KCTD16: variants seen among roughly 807,000 people sequenced by gnomAD.
KCTD16 encodes the protein BTB/POZ domain-containing protein KCTD16.
In KCTD16, 13 loss-of-function variants were observed where a neutral mutation model predicts 33.2. The ratio of observed to expected loss-of-function variants is 0.39; its 90% CI spans 0.25 to 0.62. The LOEUF is 0.62. Among genes scored for constraint, KCTD16 ranks in the 20% least tolerant of loss-of-function variants. KCTD16 has a pLI of 0.50. For synonymous variants in KCTD16, 197 were observed against 195.3 expected (o/e 1.01, Z -0.07); for missense variants, 441 against 525.1 (o/e 0.84, Z 1.57).
chr5:144,425,036 A>G (rs1435554212), intron 3 of KCTD16, among the ~76,000 whole-genome samples: 1 of 152,156 alleles, frequency 6.6e-6, no homozygotes, highest in Non-Finnish European at 1.5e-5. Context: ...CCAGAGTCTC[A>G]TCTGAAACAG....
intron 3 of KCTD16, among the ~76,000 whole-genome samples, chr5:144,391,921 C>A (rs1310865480): frequency 6.6e-6 from 1 of 152,092 alleles, no homozygotes; most frequent in Non-Finnish European, 1.5e-5. Flanking sequence ...AGTGCCTACC[C>A]AATGACAAGT....
intron 3 of KCTD16, among the ~76,000 whole-genome samples, chr5:144,238,857 C>A (rs1426006772): frequency 6.6e-6 from 1 of 152,130 alleles, no homozygotes; most frequent in Non-Finnish European, 1.5e-5. Flanking sequence ...TATTGCTAGG[C>A]ACTAGGGATA....
chr5:144,340,651 G>A (rs757801100), intron 3 of KCTD16, among the ~76,000 whole-genome samples: 1 of 151,898 alleles, frequency 6.6e-6, no homozygotes, highest in Non-Finnish European at 1.5e-5. Flanking sequence ...TATAAGGGTG[G>A]GATTAGTGTC....
At chr5:144,175,341 G>A (rs1312093143) in intron 2 of KCTD16, among the ~76,000 whole-genome samples, 2 of 152,118 alleles carry the variant, frequency 1.3e-5, no homozygotes, top group Non-Finnish European at 2.9e-5. Context: ...TAAAGCAGTA[G>A]GCTGTATTGT....
intron 3 of KCTD16, among the ~76,000 whole-genome samples, chr5:144,469,393 A>G (rs1349653488): frequency 6.6e-6 from 1 of 152,212 alleles, no homozygotes; most frequent in Non-Finnish European, 1.5e-5. Flanking sequence ...CATCGGTGTC[A>G]TTACTAATGT....
At chr5:144,254,430 G>A (rs1561544282) in intron 3 of KCTD16, among the ~76,000 whole-genome samples, 1 of 151,906 alleles carries the variant, frequency 6.6e-6, no homozygotes, top group Non-Finnish European at 1.5e-5. Flanking sequence ...CCTTGCATTT[G>A]AGAATAAGCT....
chr5:144,235,047 A>T (rs1481815600), intron 3 of KCTD16, among the ~76,000 whole-genome samples: 1 of 152,170 alleles, frequency 6.6e-6, no homozygotes, highest in African/African-American at 2.4e-5. Flanking sequence ...AAATACACAC[A>T]CTAGCTTCAC....
chr5:144,182,237 C>A (rs1342500308), intron 2 of KCTD16, among the ~76,000 whole-genome samples: 2 of 152,298 alleles, frequency 1.3e-5, no homozygotes, highest in Admixed American at 6.5e-5. Flanking sequence ...TCACTTCCCC[C>A]CTTCACCTTC....
chr5:144,433,875 G>C (rs1340367458), intron 3 of KCTD16, among the ~76,000 whole-genome samples: 2 of 152,098 alleles, frequency 1.3e-5, no homozygotes, highest in East Asian at 3.9e-4. Context: ...TGTTGTTATA[G>C]TCACTGCCAT....
chr5:144,400,579 C>T (rs910985152), intron 3 of KCTD16, among the ~76,000 whole-genome samples: 8 of 152,020 alleles, frequency 5.3e-5, no homozygotes, highest in African/African-American at 1.2e-4. Context: ...GTGGAAGGGA[C>T]CTTAGAAATT....
intron 3 of KCTD16, among the ~76,000 whole-genome samples, chr5:144,225,119 A>T (rs1446391951): frequency 2.0e-5 from 3 of 152,170 alleles, no homozygotes; most frequent in African/African-American, 7.2e-5. Flanking sequence ...TCTTTTTCGA[A>T]CTGCCAAAAC....
chr5:144,312,839 T>C lies in KCTD16; in HGVS notation c.832+105293T>C, dbSNP rs556086970. ...GTTGAAACTCCCTGTAAAAATACAA[T>C]GGCAACATTCTGTAAGGGGAAGTGA... is the stretch of plus-strand genomic sequence containing the variant. On this transcript the variant is annotated intron_variant, in intron 3 of 3. Coordinates refer to ENST00000512467, the MANE Select transcript of KCTD16 (RefSeq NM_020768.4). Among the ~76,000 whole-genome samples the C allele has an allele frequency of 3.3e-5, 5 of 152,334 alleles. No individual in the cohort carries two copies. The South Asian group carries it at 8.3e-4, about 25-fold the overall frequency.
Position 144,481,338 on chromosome 5 carries a change from C to T in KCTD16, c.*7224C>T, listed in dbSNP as rs1580997076. ...ATTGTCTGTAACTGCTTATCATACCCTTTGTTACTTTGAGTTGAATATTCC... is the reference window on the plus strand; with the variant it reads ...ATTGTCTGTAACTGCTTATCATACCTTTTGTTACTTTGAGTTGAATATTCC... On this transcript the variant is annotated 3_prime_UTR_variant, in exon 4 of 4. Coordinates refer to ENST00000512467, the MANE Select transcript of KCTD16 (RefSeq NM_020768.4). The T allele has an allele frequency of 6.6e-6, 1 of 151,962 alleles. No individual in the cohort carries two copies. 9.4% of individuals were successfully genotyped at this position (151,962 alleles called of 1,614,324 possible).
chr5:144,205,227 G>T (rs1561527946), intron 2 of KCTD16: 2 of 263,726 alleles, frequency 7.6e-6, no homozygotes, highest in Non-Finnish European at 1.4e-5. Flanking sequence ...TGGCAATCGC[G>T]TGCCCACCGC....
chr5:144,451,590 A>G (rs1753944445), intron 3 of KCTD16, among the ~76,000 whole-genome samples: 1 of 152,238 alleles, frequency 6.6e-6, no homozygotes. Context: ...ATTGTGAAAT[A>G]GAACGCAGGC....
At chr5:144,415,499 C>T (rs914018388) in intron 3 of KCTD16, among the ~76,000 whole-genome samples, 4 of 152,122 alleles carry the variant, frequency 2.6e-5, no homozygotes, top group African/African-American at 9.7e-5. Flanking sequence ...ATTTTATGAG[C>T]CAATAAAATT....
At chr5:144,246,756 T>C (rs1182862712) in intron 3 of KCTD16, among the ~76,000 whole-genome samples, 1 of 152,180 alleles carries the variant, frequency 6.6e-6, no homozygotes, top group Non-Finnish European at 1.5e-5. Context: ...CTCCTTCTTC[T>C]TCATCATTGT....
At chr5:144,392,783 G>C (rs919470254) in intron 3 of KCTD16, among the ~76,000 whole-genome samples, 5 of 152,146 alleles carry the variant, frequency 3.3e-5, no homozygotes, top group Admixed American at 3.3e-4. Flanking sequence ...TGAGTGATTT[G>C]CTGTGTTCCC....
chr5:144,375,696 C>T (rs1179690304), intron 3 of KCTD16, among the ~76,000 whole-genome samples: 1 of 152,128 alleles, frequency 6.6e-6, no homozygotes, highest in African/African-American at 2.4e-5. Context: ...TTCCAGAGGG[C>T]TTTGCCTTGG....
Sources: allele counts gnomAD v4.1 joint callset (sites outside exome capture counted in the v4.1 genomes callset), GRCh38; gene constraint gnomAD v4.1.1; transcripts MANE v1.5; gene names NCBI Gene and HGNC (gene_info 2026-07-23, HGNC 2026-07-21).